SETX: variants seen among roughly 807,000 people sequenced by gnomAD.
SETX encodes the protein helicase senataxin.
A neutral mutation model predicts 227.2 loss-of-function variants in SETX; 90 were observed. That is an observed-to-expected ratio of 0.40 (90% CI 0.33 to 0.47). The LOEUF is 0.47. Among genes scored for constraint, SETX ranks in the 20% least tolerant of loss-of-function variants. SETX has a pLI of 0.91. For synonymous variants in SETX, 1,210 were observed against 1,113.2 expected, an observed-to-expected ratio of 1.09 and a Z score of -1.73; for missense variants, 3,052 against 3,181.5, an observed-to-expected ratio of 0.96 and a Z score of 0.98.
At position 132,346,373 on chromosome 9, in the gene SETX, A is replaced by G. The variant is rs2131557961; in HGVS notation, c.276T>C (p.Asn92=). The G allele has an allele frequency of 6.2e-7, 1 of 1,613,774 alleles. No homozygotes were observed. The highest frequency in any genetic ancestry group is 8.5e-7 in the Non-Finnish European group (1 of 1,179,740). Residue 92 remains asparagine (N), a synonymous_variant, in exon 4 of 26, where the codon AAT becomes AAC. Transcript: ENST00000224140. ...GDDDELYIVD[N]NGEMPLFDIT... The stretch of plus-strand genomic sequence containing the variant: ...TGTCAAACAGTGGCATCTCTCCATT[A>G]TTGTCTACTATATATAACTCATCAT...
At chr9:132,315,525 C>T (rs888776318) in intron 10 of SETX, among the ~76,000 whole-genome samples, 10 of 152,182 alleles carry the variant, frequency 6.6e-5, no homozygotes, top group African/African-American at 2.2e-4. Flanking sequence ...ACACTGAATT[C>T]GCTCTAAGAA....
At chr9:132,279,350 A>G (rs933008064) in intron 20 of SETX, among the ~76,000 whole-genome samples, 5 of 152,314 alleles carry the variant, frequency 3.3e-5, no homozygotes, top group Admixed American at 2.6e-4. Flanking sequence ...CCAACATGGC[A>G]CATGTATACA....
At chr9:132,288,507 C>A in intron 16 of SETX, 43 bp downstream of exon 16, 2 of 1,536,782 alleles carry the variant, frequency 1.3e-6, no homozygotes, top group South Asian at 2.2e-5. Flanking sequence ...TTCCACCAAA[C>A]AAAACAGAGA....
At chr9:132,281,445 A>C in intron 20 of SETX, 22 bp downstream of exon 20, 1 of 1,560,454 alleles carries the variant, frequency 6.4e-7, no homozygotes, top group Non-Finnish European at 8.8e-7. Flanking sequence ...ATTTTAAAGC[A>C]ATCTGAACAT....
At chr9:132,299,223 A>G (rs1844848945) in intron 12 of SETX, among the ~76,000 whole-genome samples, 1 of 152,238 alleles carries the variant, frequency 6.6e-6, no homozygotes, top group African/African-American at 2.4e-5. Flanking sequence ...GCCCCAATTA[A>G]CAAGATGGGA....
chr9:132,329,921 C>T lies in SETX; in HGVS notation c.1677G>A (p.Trp559Ter). ...CTCTAAGGAATAAGTTGAGCTTATC[C>T]CAGAATCGCTTGCAAAGAGACTGCT... ...LGQQSLCKRF[W>*]DKLNLFLRGN... The change falls in exon 10 of 26, where the codon TGG becomes TGA. Residue 559 changes from tryptophan (W) to a stop codon, truncating the protein, a stop_gained. Coordinates refer to ENST00000224140, the MANE Select transcript of SETX (RefSeq NM_015046.7). LOFTEE classifies it high-confidence loss of function. 6.2e-7 allele frequency: 1 copy of T among 1,614,142 alleles called. No homozygotes were observed. Among genetic ancestry groups the T allele is most frequent in the Non-Finnish European group, 8.5e-7 (1 of 1,180,018 alleles).
intron 10 of SETX, among the ~76,000 whole-genome samples, chr9:132,312,267 G>T (rs1000829361): frequency 1.3e-5 from 2 of 152,020 alleles, no homozygotes; most frequent in Non-Finnish European, 2.9e-5. Flanking sequence ...CTAGATTTGT[G>T]GCAGACCTTA....
At chr9:132,321,270 A>G (rs924268830) in intron 10 of SETX, among the ~76,000 whole-genome samples, 4 of 152,216 alleles carry the variant, frequency 2.6e-5, no homozygotes, top group African/African-American at 9.6e-5. Flanking sequence ...CTGTAATCCC[A>G]GCACTTTGGG....
intron 25 of SETX, among the ~76,000 whole-genome samples, chr9:132,269,165 G>A (rs187911592): frequency 1.1e-3 from 166 of 152,356 alleles, no homozygotes; most frequent in African/African-American, 3.8e-3. Flanking sequence ...GAAGAATGCC[G>A]GAGGCGCTAA....
chr9:132,278,025 C>T, intron 21 of SETX, 45 bp downstream of exon 21: 4 of 1,559,882 alleles, frequency 2.6e-6, no homozygotes, highest in Non-Finnish European at 3.5e-6. Context: ...TCATAAGTAG[C>T]TAAACTACAA....
At position 132,295,231 on chromosome 9, in the gene SETX, T is replaced by C. The variant is rs181184018; in HGVS notation, c.6106+641A>G. Among the ~76,000 whole-genome samples, 5 of 152,326 alleles carry C rather than the reference T, an allele frequency of 3.3e-5. No homozygotes were observed. The East Asian group carries it at 9.7e-4, about 29-fold the overall frequency. On this transcript the variant is annotated intron_variant, in intron 15 of 25. Coordinates refer to ENST00000224140, the MANE Select transcript of SETX (RefSeq NM_015046.7). ...TTATCCCTCTAGTGTATTTAACATTTCTAAGCTTCAGTTTCCCCACCTATA... is the reference window on the plus strand; with the variant it reads ...TTATCCCTCTAGTGTATTTAACATTCCTAAGCTTCAGTTTCCCCACCTATA...
At chr9:132,273,591 T>G (rs1843001660) in intron 23 of SETX, among the ~76,000 whole-genome samples, 1 of 152,258 alleles carries the variant, frequency 6.6e-6, no homozygotes, top group Non-Finnish European at 1.5e-5. Flanking sequence ...TGGAATTGTT[T>G]CAACTTCCTT....
intron 23 of SETX, chr9:132,275,009 C>A: frequency 2.0e-6 from 1 of 510,602 alleles, no homozygotes; most frequent in Non-Finnish European, 3.5e-6. Flanking sequence ...AGGTAAAGAC[C>A]TGGCAAGTTT....
intron 23 of SETX, chr9:132,275,047 T>C (rs1413365051): frequency 3.5e-6 from 2 of 578,322 alleles, no homozygotes; most frequent in Non-Finnish European, 6.1e-6. Context: ...CCAAGGAGAA[T>C]GTTGACATTC....
At chr9:132,313,117 T>C (rs1285518977) in intron 10 of SETX, among the ~76,000 whole-genome samples, 5 of 152,218 alleles carry the variant, frequency 3.3e-5, no homozygotes. Flanking sequence ...GCAGAAAGGA[T>C]TGTTTTAGGT....
At chr9:132,302,152 T>C (rs1013034866) in intron 11 of SETX, among the ~76,000 whole-genome samples, 1 of 148,190 alleles carries the variant, frequency 6.7e-6, no homozygotes, top group Non-Finnish European at 1.5e-5. Flanking sequence ...GGTCAGGAGA[T>C]CGAGAACATC....
chr9:132,307,678 ATTTTT>A (rs535908148), intron 11 of SETX, among the ~76,000 whole-genome samples: 2 of 135,454 alleles, frequency 1.5e-5, no homozygotes, highest in African/African-American at 2.8e-5. Flanking sequence ...CTTACTAGTG[ATTTTT>A]TTTTTTTTTT....
In SETX at chr9:132,349,329, C is replaced by T. The variant is rs555364587; in HGVS notation, c.100G>A (p.Asp34Asn). ...TCCAAGCAGTAGCAGAGGTCTTCGT[C>T]GGCTGTTTGAAATTCACCGGACGGA... The part of the protein sequence containing the change: ...NTPSGEFQTA[D>N]EDLCYCLECV... Residue 34 changes from aspartate (D) to asparagine (N), a missense_variant, in exon 3 of 26, where the codon GAC (aspartate) becomes AAC (asparagine). Asp to Asn is a conservative substitution (Grantham distance 23). Around this residue, in one of 10 missense-constraint regions of SETX, gnomAD observed 152 missense variants for 156.2 expected, o/e 0.97. Transcript: ENST00000224140. The T allele has an allele frequency of 1.2e-6, 2 of 1,614,064 alleles. No individual in the cohort carries two copies. The highest frequency in any genetic ancestry group is 1.7e-5 in the Admixed American group (1 of 59,994).
At chr9:132,312,183 T>C (rs780982616) in intron 10 of SETX, among the ~76,000 whole-genome samples, 2 of 152,198 alleles carry the variant, frequency 1.3e-5, no homozygotes, top group African/African-American at 2.4e-5. Flanking sequence ...CAGCAGTGCA[T>C]AACGTACTGC....
Sources: gnomAD v4.1 joint callset for allele counts (sites outside exome capture counted in the v4.1 genomes callset) on GRCh38, gnomAD v4.1.1 for gene constraint, gnomAD v4.1.1 regional missense constraint, MANE v1.5 for transcripts, NCBI Gene and HGNC (gene_info 2026-07-23, HGNC 2026-07-21) for gene names.